The following SLC25A21 variants were observed in gnomAD, a reference collection of about 807,000 sequenced individuals.
The protein encoded by SLC25A21 is solute carrier family 25 member 21.
A neutral mutation model predicts 43.8 loss-of-function variants in SLC25A21; 47 were observed. That is an observed-to-expected ratio of 1.07 (90% CI 0.85 to 1.37). The LOEUF (loss-of-function observed/expected upper bound fraction) is 1.37, where lower values mean the gene tolerates loss of function less well. Ranked by LOEUF, SLC25A21 falls within the 40% of genes most tolerant of loss-of-function variation. The pLI, the probability that SLC25A21 is intolerant of heterozygous loss-of-function variation, is 0.00. For synonymous variants in SLC25A21, 131 were observed against 121.3 expected (o/e 1.08, Z -0.52); for missense variants, 352 against 350.2 (o/e 1.00, Z -0.04).
intron 1 of SLC25A21, 83 bp downstream of exon 1, chr14:37,172,198 G>A (rs909848638): frequency 4.4e-6 from 6 of 1,376,890 alleles, no homozygotes; most frequent in Non-Finnish European, 5.9e-6. Flanking sequence ...ACTTCAGTAA[G>A]GAGACCTGTC....
intron 1 of SLC25A21, among the ~76,000 whole-genome samples, chr14:36,958,145 G>A (rs753762686): frequency 2.6e-5 from 4 of 150,952 alleles, no homozygotes; most frequent in Non-Finnish European, 5.9e-5. Flanking sequence ...CCATTTCTAG[G>A]TGTTTGCCTA....
chr14:36,942,022 T>C (rs957101822), intron 1 of SLC25A21, among the ~76,000 whole-genome samples: 3 of 152,052 alleles, frequency 2.0e-5, no homozygotes, highest in African/African-American at 7.2e-5. Flanking sequence ...CTGGTAAAAT[T>C]TTGTTCTTAT....
At position 37,172,356 on chromosome 14, in the gene SLC25A21, C is replaced by A; in HGVS notation, c.-6G>T. Reference sequence around the variant, plus strand: ...ACTTCAGGCTTGGCGGACATCTTCGCCAGGCGGGAGGACAAGGGAGTGGGC... The same window carrying A: ...ACTTCAGGCTTGGCGGACATCTTCGACAGGCGGGAGGACAAGGGAGTGGGC... On this transcript the variant is annotated 5_prime_UTR_variant, in exon 1 of 10. Transcript: ENST00000331299. The A allele has an allele frequency of 6.3e-7, 1 of 1,594,616 alleles. No individual in the cohort carries two copies. The highest frequency in any genetic ancestry group is 1.1e-5 in the South Asian group (1 of 87,658).
At chr14:36,964,684 G>C (rs891597044) in intron 1 of SLC25A21, among the ~76,000 whole-genome samples, 1 of 152,108 alleles carries the variant, frequency 6.6e-6, no homozygotes, top group Admixed American at 6.5e-5. Context: ...GTATTAAGCA[G>C]TGACTATAAA....
intron 1 of SLC25A21, among the ~76,000 whole-genome samples, chr14:37,007,760 A>AT (rs1359744360): frequency 1.3e-5 from 2 of 152,062 alleles, no homozygotes; most frequent in Non-Finnish European, 2.9e-5. Context: ...TAGTTTATTC[A>AT]TTTTTTCAGT....
intron 3 of SLC25A21, among the ~76,000 whole-genome samples, chr14:36,748,985 A>G (rs1269535876): frequency 2.0e-5 from 3 of 152,220 alleles, no homozygotes; most frequent in East Asian, 3.9e-4. Flanking sequence ...ATTATTACCT[A>G]AAGGGAAGTG....
At chr14:36,815,819 T>C (rs1888434807) in intron 2 of SLC25A21, among the ~76,000 whole-genome samples, 1 of 152,184 alleles carries the variant, frequency 6.6e-6, no homozygotes, top group Admixed American at 6.5e-5. Flanking sequence ...TGCTTTACTT[T>C]ATTGTTCCTG....
intron 1 of SLC25A21, among the ~76,000 whole-genome samples, chr14:37,093,696 C>A (rs12050463): frequency 6.6e-6 from 1 of 151,810 alleles, no homozygotes; most frequent in East Asian, 1.9e-4. Flanking sequence ...GGGGAGAGAA[C>A]TAACATGGAA....
intron 1 of SLC25A21, among the ~76,000 whole-genome samples, chr14:37,010,729 ATTCT>A (rs1960712658): frequency 3.3e-5 from 5 of 151,988 alleles, no homozygotes; most frequent in Admixed American, 3.3e-4. Flanking sequence ...TAAATCCTAA[ATTCT>A]TTCTTTCCTT....
At chr14:36,894,941 C>T (rs1891193609) in intron 1 of SLC25A21, among the ~76,000 whole-genome samples, 1 of 152,068 alleles carries the variant, frequency 6.6e-6, no homozygotes, top group Non-Finnish European at 1.5e-5. Flanking sequence ...ATTTGGTTTG[C>T]CAGTATTTTA....
At chr14:37,050,183 G>C (rs934409431) in intron 1 of SLC25A21, among the ~76,000 whole-genome samples, 1 of 152,124 alleles carries the variant, frequency 6.6e-6, no homozygotes, top group Non-Finnish European at 1.5e-5. Context: ...TTATTTATGA[G>C]TGCAAAAATG....
intron 8 of SLC25A21, 129 bp downstream of exon 8, chr14:36,684,615 A>T (rs1882445409): frequency 1.3e-6 from 1 of 784,258 alleles, no homozygotes; most frequent in African/African-American, 1.8e-5. Context: ...TGTCATATAT[A>T]TTCGCAGTTT....
rs114652526 is a variant in SLC25A21 at position 36,684,207 on chromosome 14, A to T, written c.786-327T>A. Reference sequence around the variant, plus strand: ...TGACTTTTGTAATTGAATTTAAAAGACCACAAACTCAGTCTTTACATTAGG... The same window carrying T: ...TGACTTTTGTAATTGAATTTAAAAGTCCACAAACTCAGTCTTTACATTAGG... On this transcript the variant is annotated intron_variant, in intron 8 of 9. Coordinates refer to ENST00000331299, the MANE Select transcript of SLC25A21 (RefSeq NM_030631.4). 3.6e-3 allele frequency among the ~76,000 whole-genome samples: 543 copies of T among 152,336 alleles called. 3 individuals carry two copies. The highest frequency in any genetic ancestry group is 0.013 in the African/African-American group (527 of 41,572).
At chr14:37,160,951 G>C (rs1243630639) in intron 1 of SLC25A21, among the ~76,000 whole-genome samples, 1 of 128,040 alleles carries the variant, frequency 7.8e-6, no homozygotes, top group East Asian at 3.0e-4. Context: ...GAAGGAGGAA[G>C]AGGAGGAGGA....
intron 1 of SLC25A21, among the ~76,000 whole-genome samples, chr14:36,909,084 G>A (rs749655330): frequency 1.3e-5 from 2 of 152,014 alleles, no homozygotes; most frequent in African/African-American, 4.8e-5. Flanking sequence ...ATAAAGAGAA[G>A]GATGCATTGG....
intron 1 of SLC25A21, among the ~76,000 whole-genome samples, chr14:36,992,450 T>C (rs1173299889): frequency 6.6e-6 from 1 of 152,102 alleles, no homozygotes; most frequent in Non-Finnish European, 1.5e-5. Context: ...TTTTAAAGAA[T>C]AGCACTGTTT....
At chr14:36,753,474 A>G (rs1181432340) in intron 3 of SLC25A21, among the ~76,000 whole-genome samples, 2 of 152,174 alleles carry the variant, frequency 1.3e-5, no homozygotes, top group Non-Finnish European at 2.9e-5. Context: ...ACTACATCTT[A>G]AGAATCTCAG....
chr14:36,708,448 T>C (rs1469004523), intron 7 of SLC25A21, among the ~76,000 whole-genome samples: 1 of 151,906 alleles, frequency 6.6e-6, no homozygotes, highest in Non-Finnish European at 1.5e-5. Context: ...ATGTCAACAT[T>C]TTTTTTTAAA....
Position 36,679,835 on chromosome 14 carries a change from T to TATC in SLC25A21, c.*820_*822dup. 1.0e-6 allele frequency: 1 copy of TATC among 984,568 alleles called. No individual in the cohort carries two copies. The highest frequency in any genetic ancestry group is 1.2e-6 in the Non-Finnish European group (1 of 829,172). The allele number at this position is 984,568 out of a possible 1,614,324, so 61.0% of individuals were successfully genotyped here. On this transcript the variant is annotated 3_prime_UTR_variant, in exon 10 of 10. Coordinates refer to ENST00000331299, the MANE Select transcript of SLC25A21 (RefSeq NM_030631.4). ...TCCAATTTGTGATTTAACATGACAA[T>TATC]ATCTCATCAACAAAACTTATCTTCA...
Sources: gnomAD v4.1 joint callset for allele counts (sites outside exome capture counted in the v4.1 genomes callset) on GRCh38, gnomAD v4.1.1 for gene constraint, MANE v1.5 for transcripts, NCBI Gene and HGNC (gene_info 2026-07-23, HGNC 2026-07-21) for gene names.